The following NISCH variants were observed in gnomAD, a reference collection of about 807,000 sequenced individuals.
NISCH encodes the protein I-1 receptor candidate protein.
Under a neutral mutation model 138.4 loss-of-function variants are expected in NISCH, and 55 were observed. The observed-to-expected ratio is 0.40, with a 90% CI of 0.32 to 0.50. NISCH has a LOEUF of 0.50. NISCH is among the 20% of genes least tolerant of loss of function. The pLI is 0.71. For missense variants in NISCH, 1,643 were observed against 2,005.5 expected (o/e 0.82, Z 3.45); for synonymous variants, 860 against 861.5 (o/e 1.00, Z 0.03).
chr3:52,481,402 G>A (rs1234773603), intron 13 of NISCH: 7 of 986,832 alleles, frequency 7.1e-6, no homozygotes, highest in Non-Finnish European at 8.4e-6. Flanking sequence ...GGGGTTAGGT[G>A]CCAGGATGAT....
chr3:52,456,776 G>C (rs1234462095), intron 1 of NISCH, among the ~76,000 whole-genome samples: 2 of 152,240 alleles, frequency 1.3e-5, no homozygotes, highest in African/African-American at 2.4e-5. Flanking sequence ...TGGAGAAATG[G>C]CTGCTCCTCA....
Position 52,489,380 on chromosome 3 carries a change from C to T in NISCH, c.3158C>T (p.Pro1053Leu), listed in dbSNP as rs373807549. The T allele has an allele frequency of 1.2e-4, 191 of 1,611,422 alleles. No homozygotes were observed. Among genetic ancestry groups the T allele is most frequent in the Middle Eastern group, 3.3e-4 (2 of 6,046 alleles). ...GAGGTCCCAGCAGAGGCTCTGGCCC[C>T]GGCCCCAGCGGAAGTCCCAGCTCCA... ...PQEVPAEALAPAPAEVPAPAP... is the reference protein window; with the variant it reads ...PQEVPAEALALAPAEVPAPAP... Residue 1053 changes from proline to leucine, a missense_variant, in exon 17 of 21, where the codon CCG becomes CTG. Transcript: ENST00000345716.
At chr3:52,489,837 GT>G in intron 17 of NISCH, 159 bp downstream of exon 17, 1 of 1,337,712 alleles carries the variant, frequency 7.5e-7, no homozygotes, top group Non-Finnish European at 9.9e-7. Context: ...GAGGTCCTGA[GT>G]TGCCCTCCCC....
At chr3:52,480,555 G>T (rs140793185) in intron 13 of NISCH, 1 of 1,460,672 alleles carries the variant, frequency 6.8e-7, no homozygotes, top group Admixed American at 2.6e-5. Flanking sequence ...ACCGCAGGGT[G>T]TCTGACAGGC....
intron 2 of NISCH, among the ~76,000 whole-genome samples, 168 bp downstream of exon 2, chr3:52,458,094 T>C (rs1040586432): frequency 3.9e-5 from 6 of 152,284 alleles, no homozygotes. Context: ...ATGTAAATGC[T>C]AGCCTTCAGC....
intron 15 of NISCH, 84 bp downstream of exon 15, chr3:52,485,911 A>G: frequency 3.6e-6 from 5 of 1,384,654 alleles, no homozygotes; most frequent in African/African-American, 1.4e-5. Context: ...GTGGCCAGTC[A>G]GGTTTTTTTA....
chr3:52,492,304 TCACCCTGGAC>T lies in NISCH; in HGVS notation c.4341_4350del (p.Asp1449GlyfsTer112). 1 of 1,613,410 alleles carries T rather than the reference TCACCCTGGAC, an allele frequency of 6.2e-7. No homozygotes were observed. The highest frequency in any genetic ancestry group is 8.5e-7 in the Non-Finnish European group (1 of 1,180,032). On this transcript the variant is annotated frameshift_variant, in exon 21 of 21. Transcript: ENST00000345716. LOFTEE classifies it high-confidence loss of function. ...CAAGGTCATGACCTCATGGGCAGTG[TCACCCTGGAC>T]CACTTTGGGGAGGTGCCAGGTGGCC...
chr3:52,484,316 CA>C, intron 13 of NISCH, 196 bp from the exon 14 acceptor site: 1 of 548,590 alleles, frequency 1.8e-6, no homozygotes, highest in Non-Finnish European at 3.3e-6. Context: ...ATTAGATAAG[CA>C]GTCATTTGTT....
At chr3:52,464,517 C>CTTTT (rs71084185) in intron 3 of NISCH, among the ~76,000 whole-genome samples, 2,630 of 75,740 alleles carry the variant, frequency 0.035, 181 homozygotes, top group Middle Eastern at 0.068. Context: ...TGTGAGTTGT[C>CTTTT]TTTTTTTTTT....
chr3:52,480,577 C>G, intron 13 of NISCH: 1 of 1,443,466 alleles, frequency 6.9e-7, no homozygotes, highest in Non-Finnish European at 9.1e-7. Flanking sequence ...CTGAGGCTGC[C>G]CTCTGAACAG....
At chr3:52,477,087 A>C (rs1339114278) in intron 8 of NISCH, among the ~76,000 whole-genome samples, 1 of 152,192 alleles carries the variant, frequency 6.6e-6, no homozygotes, top group Non-Finnish European at 1.5e-5. Flanking sequence ...AGTACTTAGA[A>C]CCAAATAAAA....
chr3:52,477,989 C>A (rs954496547), intron 9 of NISCH, 108 bp from the exon 10 acceptor site: 19 of 1,130,230 alleles, frequency 1.7e-5, no homozygotes, highest in Middle Eastern at 3.0e-4. Context: ...GAGTGACTTG[C>A]AGAACTGGGT....
chr3:52,486,486 C>A (rs4687544), intron 15 of NISCH: 146,673 of 152,370 alleles, frequency 0.96, 70,644 homozygotes, highest in African/African-American at 0.99. Flanking sequence ...GTGCAGTGGC[C>A]CGATCTCAGC....
Position 52,471,833 on chromosome 3 carries a change from C to A in NISCH, c.429C>A (p.Ala143=), listed in dbSNP as rs79469996. The change falls in exon 5 of 21, where the codon GCC becomes GCA. Residue 143 remains alanine (A), a synonymous_variant. Coordinates refer to ENST00000345716, the MANE Select transcript of NISCH (RefSeq NM_007184.4). ...TTGCAGGAGAACAGCTCCTGGGGGC[C>A]GGCGAGGTCTTTGCCATTGGACCCC... ...LFEKGEQLLG[A]GEVFAIGPLQ... 3 of 1,613,840 alleles carry A rather than the reference C, an allele frequency of 1.9e-6. No individual in the cohort carries two copies. The East Asian group carries it at 6.7e-5, about 36-fold the overall frequency.
chr3:52,458,415 C>G (rs1389640657), intron 2 of NISCH, among the ~76,000 whole-genome samples: 1 of 152,184 alleles, frequency 6.6e-6, no homozygotes, highest in Non-Finnish European at 1.5e-5. Context: ...AAAGGTGTTA[C>G]TTTTCTGAAT....
intron 16 of NISCH, 148 bp from the exon 17 acceptor site, chr3:52,489,188 C>A: frequency 2.1e-6 from 2 of 953,734 alleles, no homozygotes; most frequent in Non-Finnish European, 3.2e-6. Context: ...CCGTGCTGTT[C>A]TGTTCTCCAA....
chr3:52,485,952 A>G, intron 15 of NISCH, 125 bp downstream of exon 15: 1 of 810,368 alleles, frequency 1.2e-6, no homozygotes, highest in Non-Finnish European at 2.0e-6. Context: ...CTATAGAACT[A>G]TTTCTTCCTC....
At position 52,466,675 on chromosome 3, in the gene NISCH, CCA is replaced by C. The variant is rs1706789592; in HGVS notation, c.361-4181_361-4180del. Among the ~76,000 whole-genome samples the C allele has an allele frequency of 2.0e-5, 3 of 152,200 alleles. No homozygotes were observed. In the East Asian group the frequency reaches 5.8e-4, roughly 29 times the overall value. ...TGTAATTCACTCGCTGGTTAGTGCC[CCA>C]CAGATAAGCACGCTGCCTGGGTGTG... is the stretch of plus-strand genomic sequence containing the variant. On this transcript the variant is annotated intron_variant, in intron 3 of 20. Coordinates refer to ENST00000345716, the MANE Select transcript of NISCH (RefSeq NM_007184.4).
intron 6 of NISCH, among the ~76,000 whole-genome samples, chr3:52,473,452 T>C (rs1389891355): frequency 6.6e-6 from 1 of 152,204 alleles, no homozygotes; most frequent in African/African-American, 2.4e-5. Flanking sequence ...ACACTTTATG[T>C]TCACCTGCCA....
Sources: allele counts gnomAD v4.1 joint callset (sites outside exome capture counted in the v4.1 genomes callset), GRCh38; gene constraint gnomAD v4.1.1; transcripts MANE v1.5; gene names NCBI Gene and HGNC (gene_info 2026-07-23, HGNC 2026-07-21).